Variants in ANKUB1 observed in about 807,000 individuals in gnomAD.
ANKUB1 encodes ankyrin repeat and ubiquitin domain containing 1.
A neutral mutation model predicts 49.3 loss-of-function variants in ANKUB1; 42 were observed. The ratio of observed to expected loss-of-function variants is 0.85; its 90% CI spans 0.67 to 1.10. ANKUB1 has a LOEUF of 1.10. ANKUB1 is among the 50% of genes least tolerant of loss of function. The pLI, the probability that ANKUB1 is intolerant of heterozygous loss-of-function variation, is 0.00. For missense variants in ANKUB1, 613 were observed against 642.0 expected (o/e 0.95, Z 0.49); for synonymous variants, 222 against 231.0 (o/e 0.96, Z 0.35).
chr3:149,791,997 A>T (rs1182006040), intron 1 of ANKUB1, among the ~76,000 whole-genome samples: 2 of 152,002 alleles, frequency 1.3e-5, no homozygotes, highest in Non-Finnish European at 2.9e-5. Context: ...CAATAATATT[A>T]TCTGGCCTAT....
rs1416463782 is a variant in ANKUB1, at chr3:149,761,291, A to C, written c.*193T>G. On this transcript the variant is annotated 3_prime_UTR_variant, in exon 6 of 6. Transcript: ENST00000446160. Reference sequence around the variant, plus strand: ...ATTCTTCCTCATATTCTTTATGCAAAAATAGCACTAAAGTTTCACTTAGTG... The same window carrying C: ...ATTCTTCCTCATATTCTTTATGCAACAATAGCACTAAAGTTTCACTTAGTG... The C allele has an allele frequency of 1.8e-6, 1 of 561,160 alleles. No individual in the cohort carries two copies. The highest frequency in any genetic ancestry group is 3.2e-5 in the East Asian group (1 of 31,350). 34.8% of individuals were successfully genotyped at this position (561,160 alleles called of 1,614,324 possible). A position where few individuals can be genotyped will look rare whatever the true frequency, so the allele number is the denominator to read the frequency against.
chr3:149,783,918 G>A (rs1576681010), intron 2 of ANKUB1: 1 of 152,110 alleles, frequency 6.6e-6, no homozygotes, highest in Non-Finnish European at 1.5e-5. Context: ...CCATTTTTAA[G>A]AAACATGCTT....
At chr3:149,764,342 A>C (rs1716897763) in intron 5 of ANKUB1, among the ~76,000 whole-genome samples, 1 of 152,198 alleles carries the variant, frequency 6.6e-6, no homozygotes, top group South Asian at 2.1e-4. Context: ...CCACCAACAA[A>C]GGAAGGTGGA....
At chr3:149,783,217 T>C (rs1469968881) in intron 2 of ANKUB1, 2 of 152,184 alleles carry the variant, frequency 1.3e-5, no homozygotes, top group African/African-American at 4.8e-5. Context: ...AACTTGCTAA[T>C]CCACCTTATC....
chr3:149,781,392 A>G (rs1358394761), intron 2 of ANKUB1, among the ~76,000 whole-genome samples: 1 of 152,212 alleles, frequency 6.6e-6, no homozygotes, highest in African/African-American at 2.4e-5. Flanking sequence ...CTCATGAAAA[A>G]TGAAACTGAC....
At chr3:149,772,923 G>T (rs1398372092) in intron 3 of ANKUB1, among the ~76,000 whole-genome samples, 1 of 152,160 alleles carries the variant, frequency 6.6e-6, no homozygotes, top group African/African-American at 2.4e-5. Flanking sequence ...TGAGATTTCA[G>T]AACACCAGTA....
At position 149,770,576 on chromosome 3, in the gene ANKUB1, C is replaced by T; in HGVS notation, c.550G>A (p.Glu184Lys). The change falls in exon 4 of 6, where the codon GAA becomes AAA. Residue 184 changes from glutamate to lysine, a missense_variant. Physicochemically the swap from Glu to Lys is moderately conservative, Grantham distance 56. Coordinates refer to ENST00000446160, the MANE Select transcript of ANKUB1 (RefSeq NM_001144960.3). ...TTCTCATACTTGAGTACTGGTCCTT[C>T]TTTTGATAAGTAGCGTTGGACTTTA... ...KLKVQRYLSK[E>K]GPVLKYQKRV... The T allele has an allele frequency of 6.5e-7, 1 of 1,547,124 alleles. No homozygotes were observed. The highest frequency in any genetic ancestry group is 8.7e-7 in the Non-Finnish European group (1 of 1,144,852).
intron 3 of ANKUB1, among the ~76,000 whole-genome samples, chr3:149,773,048 T>C (rs1717434074): frequency 6.6e-6 from 1 of 152,246 alleles, no homozygotes; most frequent in Admixed American, 6.5e-5. Flanking sequence ...CTGAGGCTTC[T>C]CAGCCAGCTG....
At chr3:149,790,982 A>G in intron 1 of ANKUB1, 58 bp from the exon 2 acceptor site, 3 of 1,479,162 alleles carry the variant, frequency 2.0e-6, no homozygotes, top group Non-Finnish European at 2.7e-6. Flanking sequence ...TAGACCAGAA[A>G]TGTACTCTCT....
chr3:149,786,648 T>A (rs530141145), intron 2 of ANKUB1, among the ~76,000 whole-genome samples: 1 of 152,350 alleles, frequency 6.6e-6, no homozygotes, highest in African/African-American at 2.4e-5. Context: ...AGTCATGAAG[T>A]CCTTGCCCAT....
chr3:149,768,168 G>A (rs1466266832), intron 4 of ANKUB1, 73 bp from the exon 5 acceptor site: 1 of 1,029,714 alleles, frequency 9.7e-7, no homozygotes, highest in Non-Finnish European at 1.3e-6. Flanking sequence ...TACACTAAAT[G>A]CTCATGAAAT....
chr3:149,769,478 A>G lies in ANKUB1; in HGVS notation c.566+1082T>C, dbSNP rs531921294. On this transcript the variant is annotated intron_variant, in intron 4 of 5. Transcript: ENST00000446160. ...ACTGAATGTGAAATTGGCAAGATAC[A>G]GACGTCCTTTGACTTATTATAGAGT... Among the ~76,000 whole-genome samples the G allele has an allele frequency of 3.3e-5, 5 of 152,374 alleles. No homozygotes were observed. In the South Asian group the frequency reaches 1.0e-3, roughly 32 times the overall value.
intron 4 of ANKUB1, 46 bp from the exon 5 acceptor site, chr3:149,768,141 A>C (rs1717150672): frequency 8.0e-7 from 1 of 1,245,372 alleles, no homozygotes; most frequent in Non-Finnish European, 1.1e-6. Flanking sequence ...GAAAATCAGC[A>C]AACAGACAAA....
At position 149,761,591 on chromosome 3, in the gene ANKUB1, G is replaced by A. The variant is rs1716785691; in HGVS notation, c.1528C>T (p.Leu510Phe). 1 of 1,551,008 alleles carries A rather than the reference G, an allele frequency of 6.4e-7. No homozygotes were observed. The highest frequency in any genetic ancestry group is 8.7e-7 in the Non-Finnish European group (1 of 1,146,702). ...ACTCTTGCTATTTCTAACTGCTGAA[G>A]CCATCGTTTCTCTTTAAAGGCACTG... Reference protein sequence around the residue: ...VASAFKEKRWLQQLEIARVLA... With the variant: ...VASAFKEKRWFQQLEIARVLA... The change falls in exon 6 of 6, where the codon CTT (leucine) becomes TTT (phenylalanine). Residue 510 changes from leucine (L) to phenylalanine (F), a missense_variant. By Grantham distance (22) the Leu-to-Phe change is conservative. Coordinates refer to ENST00000446160, the MANE Select transcript of ANKUB1 (RefSeq NM_001144960.3).
At chr3:149,780,596 T>C in intron 2 of ANKUB1, 141 bp from the exon 3 acceptor site, 1 of 652,446 alleles carries the variant, frequency 1.5e-6, no homozygotes. Context: ...TTCTCTGCCT[T>C]CTGGTCTGAG....
In ANKUB1 at chr3:149,761,467, G is replaced by GTCCAAA; in HGVS notation, c.*16_*17insTTTGGA. On this transcript the variant is annotated 3_prime_UTR_variant, in exon 6 of 6. Coordinates refer to ENST00000446160, the MANE Select transcript of ANKUB1 (RefSeq NM_001144960.3). ...GTTTGATCAGGTCTTTGTCCAAACT[G>GTCCAAA]AAGTTGTCATGACTTTTCAAAGCAC... 1 of 1,551,014 alleles carries GTCCAAA rather than the reference G, an allele frequency of 6.4e-7. No homozygotes were observed. The highest frequency in any genetic ancestry group is 8.7e-7 in the Non-Finnish European group (1 of 1,146,504).
At chr3:149,779,778 G>T (rs1006584296) in intron 3 of ANKUB1, 1 of 164,430 alleles carries the variant, frequency 6.1e-6, no homozygotes, top group Admixed American at 5.7e-5. Flanking sequence ...CCACCCTGAG[G>T]ATATTAATGA....
chr3:149,789,717 C>A (rs973487865), intron 2 of ANKUB1, among the ~76,000 whole-genome samples: 5 of 151,800 alleles, frequency 3.3e-5, no homozygotes, highest in Non-Finnish European at 7.4e-5. Flanking sequence ...GCAACCTCCC[C>A]CTCCTGGGTT....
chr3:149,780,795 C>A (rs1218917465), intron 2 of ANKUB1, among the ~76,000 whole-genome samples: 2 of 152,108 alleles, frequency 1.3e-5, no homozygotes, highest in Non-Finnish European at 2.9e-5. Flanking sequence ...TTGTGCAGTA[C>A]TTTAATTTGG....
Sources: gnomAD v4.1 joint callset for allele counts (sites outside exome capture counted in the v4.1 genomes callset) on GRCh38, gnomAD v4.1.1 for gene constraint, MANE v1.5 for transcripts, NCBI Gene and HGNC (gene_info 2026-07-23, HGNC 2026-07-21) for gene names.